Variants in TRIM27 observed in about 807,000 individuals in gnomAD.
TRIM27 encodes tripartite motif containing 27.
In TRIM27, 12 loss-of-function variants were observed where a neutral mutation model predicts 57.6. That is an observed-to-expected ratio of 0.21 (90% CI 0.13 to 0.34). The LOEUF is 0.34. Among genes scored for constraint, TRIM27 ranks in the 10% least tolerant of loss-of-function variants. The pLI is 1.00. For missense variants in TRIM27, 403 were observed against 656.8 expected, an observed-to-expected ratio of 0.61 and a Z score of 4.22; for synonymous variants, 266 against 259.0, an observed-to-expected ratio of 1.03 and a Z score of -0.26.
chr6:28,904,708 G>A lies in TRIM27; in HGVS notation c.947-43C>T, dbSNP rs1175605319. On this transcript the variant is annotated intron_variant, in intron 7 of 7. Coordinates refer to ENST00000377199, the MANE Select transcript of TRIM27 (RefSeq NM_006510.5). The surrounding 1 kb of genome is among the most constrained non-coding windows in gnomAD (Gnocchi z 6.1). ...AGACAGTCAGCCGTGGGCCAGGAGA[G>A]CCTATTTTAGAACACCCAGCGCCTT... 2 of 1,509,388 alleles carry A rather than the reference G, an allele frequency of 1.3e-6. No individual in the cohort carries two copies. The highest frequency in any genetic ancestry group is 2.3e-5 in the East Asian group (1 of 43,582). 93.5% of individuals were successfully genotyped at this position (1,509,388 alleles called of 1,614,324 possible).
At chr6:28,908,631 A>C (rs1316449757) in intron 6 of TRIM27, 177 bp downstream of exon 6, 4 of 592,472 alleles carry the variant, frequency 6.8e-6, no homozygotes, top group Non-Finnish European at 1.2e-5. Flanking sequence ...ACAAACTTCA[A>C]ATTAGAACAA....
At chr6:28,910,123 G>GAAAAAAAAAAAAAAAAGA (rs1773077426) in intron 4 of TRIM27, among the ~76,000 whole-genome samples, 2 of 97,620 alleles carry the variant, frequency 2.0e-5, no homozygotes, top group Non-Finnish European at 4.4e-5. Context: ...AAAGAAAAAT[G>GAAAAAAAAAAAAAAAAGA]AAAAAAAAAA....
intron 2 of TRIM27, among the ~76,000 whole-genome samples, 196 bp from the exon 3 acceptor site, chr6:28,920,438 T>C (rs1773935887): frequency 6.6e-6 from 1 of 152,178 alleles, no homozygotes; most frequent in South Asian, 2.1e-4. Flanking sequence ...TATTAAGACA[T>C]AGTCCCTGTT....
At chr6:28,917,916 TC>T (rs1773735310) in intron 3 of TRIM27, among the ~76,000 whole-genome samples, 1 of 151,606 alleles carries the variant, frequency 6.6e-6, no homozygotes, top group Non-Finnish European at 1.5e-5. Flanking sequence ...AACCATCGTC[TC>T]ACTGGTTCAA....
In TRIM27 at chr6:28,903,828, T is replaced by C; in HGVS notation, c.*242A>G. 1 of 560,348 alleles carries C rather than the reference T, an allele frequency of 1.8e-6. No homozygotes were observed. The highest frequency in any genetic ancestry group is 2.6e-5 in the South Asian group (1 of 38,750). The allele number at this position is 560,348 out of a possible 1,614,324, so 34.7% of individuals were successfully genotyped here. On this transcript the variant is annotated 3_prime_UTR_variant, in exon 8 of 8. Transcript: ENST00000377199. ...CAGCGATGTGTAAAACCAGAAAGTA[T>C]GAAACACTGGAGGTGGACATCTGGT...
At chr6:28,913,252 T>TGC (rs1562163189) in intron 3 of TRIM27, among the ~76,000 whole-genome samples, 1 of 122,840 alleles carries the variant, frequency 8.1e-6, no homozygotes, top group Non-Finnish European at 1.6e-5. Flanking sequence ...TGAAACTCCA[T>TGC]CTCAAAAAAA....
intron 4 of TRIM27, among the ~76,000 whole-genome samples, chr6:28,909,750 G>T (rs1478968638): frequency 1.3e-5 from 2 of 152,186 alleles, no homozygotes; most frequent in Non-Finnish European, 2.9e-5. Flanking sequence ...TGGAAAGAAT[G>T]ACATGTTCAG....
At chr6:28,919,935 C>T (rs1773897098) in intron 3 of TRIM27, 77 bp downstream of exon 3, 2 of 1,379,236 alleles carry the variant, frequency 1.5e-6, no homozygotes, top group Non-Finnish European at 2.0e-6. Flanking sequence ...GACAGGGGGT[C>T]CTGGATACTA....
At chr6:28,918,216 T>C (rs1391840061) in intron 3 of TRIM27, among the ~76,000 whole-genome samples, 1 of 152,208 alleles carries the variant, frequency 6.6e-6, no homozygotes, top group African/African-American at 2.4e-5. Flanking sequence ...AAAATATGTC[T>C]AACTTCTAGT....
At chr6:28,907,782 G>A in intron 6 of TRIM27, 1 of 391,606 alleles carries the variant, frequency 2.6e-6, no homozygotes, top group Admixed American at 3.6e-5. Context: ...CCAGATCAAG[G>A]AAAGTCATGC....
At chr6:28,908,388 C>G (rs1772934525) in intron 6 of TRIM27, 1 of 180,306 alleles carries the variant, frequency 5.5e-6, no homozygotes, top group African/African-American at 2.4e-5. Flanking sequence ...CCTGGCGGTG[C>G]TGCCTGTCAG....
rs1050135425 is a variant in TRIM27, at chr6:28,923,705, C to A, written c.-73G>T. 152 of 1,421,490 alleles carry A rather than the reference C, an allele frequency of 1.1e-4. No individual in the cohort carries two copies. The highest frequency in any genetic ancestry group is 1.0e-3 in the Middle Eastern group (4 of 3,862). The allele number at this position is 1,421,490 out of a possible 1,614,324, so 88.1% of individuals were successfully genotyped here. ...CTGCACTGAGCCCAACTCTCCGGCG[C>A]TCTCTCCGGTTCGCTGTTCCTGAGA... On this transcript the variant is annotated 5_prime_UTR_variant, in exon 1 of 8. Transcript: ENST00000377199.
At position 28,907,228 on chromosome 6, in the gene TRIM27, T is replaced by C. The variant is rs760070820; in HGVS notation, c.946+8A>G. On this transcript the variant is annotated splice_region_variant and intron_variant, in intron 7 of 7. Transcript: ENST00000377199. ...TACCCTAATATGGTTTTGTCTCTCA[T>C]CACCTACCTGAGTATAACTGAGCCT... 2 of 1,610,702 alleles carry C rather than the reference T, an allele frequency of 1.2e-6. No individual in the cohort carries two copies. Among genetic ancestry groups the C allele is most frequent in the African/African-American group, 1.3e-5 (1 of 74,914 alleles).
At chr6:28,920,732 A>C (rs748109641) in intron 2 of TRIM27, among the ~76,000 whole-genome samples, 5 of 152,176 alleles carry the variant, frequency 3.3e-5, no homozygotes, top group Non-Finnish European at 5.9e-5. Context: ...AGAAAAGGTA[A>C]GGCCTTGTCA....
intron 3 of TRIM27, among the ~76,000 whole-genome samples, chr6:28,913,486 TAC>T (rs766717738): frequency 1.3e-5 from 2 of 151,396 alleles, no homozygotes; most frequent in East Asian, 3.9e-4. Flanking sequence ...TGTGTATACA[TAC>T]ACACACACAC....
intron 7 of TRIM27, chr6:28,905,928 C>T (rs1202421960): frequency 1.3e-5 from 2 of 152,196 alleles, no homozygotes; most frequent in Non-Finnish European, 2.9e-5. Flanking sequence ...GCTTCAAAAA[C>T]ACTGATAATG....
At chr6:28,909,909 G>T (rs982480502) in intron 4 of TRIM27, among the ~76,000 whole-genome samples, 1 of 152,082 alleles carries the variant, frequency 6.6e-6, no homozygotes, top group Non-Finnish European at 1.5e-5. Context: ...AGCTAGATGT[G>T]ACCTTGTGAC....
At chr6:28,907,129 C>A (rs1045616084) in intron 7 of TRIM27, 107 bp downstream of exon 7, 1 of 1,078,790 alleles carries the variant, frequency 9.3e-7, no homozygotes, top group Middle Eastern at 2.7e-4. Flanking sequence ...ATACATGTAA[C>A]CAAAAGAATC....
Position 28,903,360 on chromosome 6 carries a change from T to C in TRIM27, c.*710A>G, listed in dbSNP as rs1443885648. ...GAGTTGGGCAGAATATTATCCTGGA[T>C]GATATGCACCCAGCACTAGAATACA... On this transcript the variant is annotated 3_prime_UTR_variant, in exon 8 of 8. Transcript: ENST00000377199. 1.7e-5 allele frequency: 4 copies of C among 233,120 alleles called. No individual in the cohort carries two copies. Among genetic ancestry groups the C allele is most frequent in the Non-Finnish European group, 3.4e-5 (4 of 118,068 alleles). The allele number at this position is 233,120 out of a possible 1,614,324, so 14.4% of individuals were successfully genotyped here. A position where few individuals can be genotyped will look rare whatever the true frequency, so the allele number is the denominator to read the frequency against.
Sources: gnomAD v4.1 joint callset for allele counts (sites outside exome capture counted in the v4.1 genomes callset) on GRCh38, gnomAD v4.1.1 for gene constraint, Gnocchi (gnomAD v3.1) non-coding constraint, MANE v1.5 for transcripts, NCBI Gene and HGNC (gene_info 2026-07-23, HGNC 2026-07-21) for gene names.